CLVS1: variants seen among roughly 807,000 people sequenced by gnomAD.
The protein encoded by CLVS1 is clavesin-1.
CLVS1 carries 10 observed loss-of-function variants against 33.1 expected under a neutral mutation model. That is an observed-to-expected ratio of 0.30 (90% CI 0.19 to 0.51). CLVS1 has a LOEUF of 0.51. CLVS1 is among the 20% of genes least tolerant of loss of function. The probability of loss-of-function intolerance (pLI) is 0.97; values close to 1 mark genes in which losing one functional copy is unlikely to be tolerated. For missense variants in CLVS1, 343 were observed against 433.4 expected (o/e 0.79, Z 1.85); for synonymous variants, 163 against 166.1 (o/e 0.98, Z 0.14).
At chr8:61,306,707 T>C (rs189072336) in intron 2 of CLVS1, among the ~76,000 whole-genome samples, 74 of 152,318 alleles carry the variant, frequency 4.9e-4, no homozygotes, top group African/African-American at 1.7e-3. Flanking sequence ...TAGTTTGTGT[T>C]TGTTGAGGAA....
intron 2 of CLVS1, among the ~76,000 whole-genome samples, chr8:61,219,748 A>G (rs1422206570): frequency 2.0e-5 from 3 of 152,212 alleles, no homozygotes; most frequent in Non-Finnish European, 2.9e-5. Context: ...TGGTTGAACT[A>G]ATTTACATTA....
At chr8:60,976,655 G>A in the CLVS1 span, among the ~76,000 whole-genome samples, 3 of 152,254 alleles carry the variant, frequency 2.0e-5, no homozygotes, top group Non-Finnish European at 4.4e-5. Flanking sequence ...TTGGAACTCT[G>A]AAGTCTAATA....
At chr8:61,446,162 G>A (rs1404288621) in intron 3 of CLVS1, among the ~76,000 whole-genome samples, 1 of 151,714 alleles carries the variant, frequency 6.6e-6, no homozygotes, top group Non-Finnish European at 1.5e-5. Context: ...ATCAGTTTCT[G>A]CTCTTACCTT....
At chr8:61,386,995 C>G (rs1814109711) in intron 3 of CLVS1, among the ~76,000 whole-genome samples, 1 of 152,148 alleles carries the variant, frequency 6.6e-6, no homozygotes, top group African/African-American at 2.4e-5. Flanking sequence ...AGACCTTGGA[C>G]TTTTTGTTGT....
chr8:61,383,023 C>G (rs1412502110), intron 3 of CLVS1, among the ~76,000 whole-genome samples: 7 of 152,150 alleles, frequency 4.6e-5, no homozygotes, highest in Non-Finnish European at 7.4e-5. Flanking sequence ...AGAGGGCAGC[C>G]CTTGTCTGTG....
intron 2 of CLVS1, among the ~76,000 whole-genome samples, chr8:61,160,901 G>C (rs1806738472): frequency 6.6e-6 from 1 of 152,150 alleles, no homozygotes; most frequent in African/African-American, 2.4e-5. Context: ...TCTCGTAGAA[G>C]AGGAGAAAAT....
intron 2 of CLVS1, among the ~76,000 whole-genome samples, chr8:61,184,429 C>T (rs1184755780): frequency 6.6e-6 from 1 of 152,216 alleles, no homozygotes; most frequent in Non-Finnish European, 1.5e-5. Flanking sequence ...CACAGCACTG[C>T]TTCTACCAGG....
intron 5 of CLVS1, among the ~76,000 whole-genome samples, chr8:61,464,349 C>T (rs1205969425): frequency 2.0e-5 from 3 of 152,198 alleles, no homozygotes; most frequent in Non-Finnish European, 2.9e-5. Context: ...ATCCGTGGTA[C>T]ACTTGTCTAA....
chr8:61,253,122 A>G (rs1808988480), intron 2 of CLVS1, among the ~76,000 whole-genome samples: 1 of 152,152 alleles, frequency 6.6e-6, no homozygotes, highest in African/African-American at 2.4e-5. Context: ...CCTGGTGGTG[A>G]CAAAATCTCT....
chr8:61,226,195 C>T (rs534886318), intron 2 of CLVS1, among the ~76,000 whole-genome samples: 5 of 152,242 alleles, frequency 3.3e-5, no homozygotes, highest in African/African-American at 1.2e-4. Context: ...GAGATGCATA[C>T]TGAAGTAAAA....
the CLVS1 span, among the ~76,000 whole-genome samples, chr8:61,040,454 A>C: frequency 6.6e-6 from 1 of 152,246 alleles, no homozygotes; most frequent in Non-Finnish European, 1.5e-5. Flanking sequence ...CTGCACAAAC[A>C]GTGTTATAAG....
At chr8:61,491,024 T>C (rs1026415244) in intron 5 of CLVS1, among the ~76,000 whole-genome samples, 3 of 151,610 alleles carry the variant, frequency 2.0e-5, no homozygotes, top group Non-Finnish European at 4.4e-5. Context: ...CCTAAATGTA[T>C]TGGGCACATC....
intron 5 of CLVS1, among the ~76,000 whole-genome samples, chr8:61,461,718 C>T (rs1473233852): frequency 1.3e-5 from 2 of 152,084 alleles, no homozygotes; most frequent in African/African-American, 4.8e-5. Flanking sequence ...CCTTCATTTT[C>T]TTAGGAAGGT....
chr8:61,202,209 A>G, intron 2 of CLVS1: 1 of 443,790 alleles, frequency 2.3e-6, no homozygotes, highest in South Asian at 2.2e-5. Context: ...AAGAACATAA[A>G]GTACATTGAT....
At chr8:61,486,861 TATGCTG>T (rs1202825578) in intron 5 of CLVS1, among the ~76,000 whole-genome samples, 1 of 152,168 alleles carries the variant, frequency 6.6e-6, no homozygotes, top group East Asian at 1.9e-4. Context: ...ACCAACTGTG[TATGCTG>T]AGGCTTATCT....
intron 2 of CLVS1, among the ~76,000 whole-genome samples, chr8:61,200,911 G>C (rs1232556725): frequency 6.6e-6 from 1 of 152,112 alleles, no homozygotes; most frequent in African/African-American, 2.4e-5. Context: ...AGGTTGAATT[G>C]TAATTTAACA....
At chr8:61,292,665 A>T (rs543641303) in intron 1 of CLVS1, among the ~76,000 whole-genome samples, 294 of 152,288 alleles carry the variant, frequency 1.9e-3, no homozygotes, top group African/African-American at 6.2e-3. Context: ...TCTTATGGGG[A>T]TAGTTGAATA....
At chr8:61,162,777 C>T (rs1806777344) in intron 2 of CLVS1, among the ~76,000 whole-genome samples, 1 of 152,134 alleles carries the variant, frequency 6.6e-6, no homozygotes, top group Non-Finnish European at 1.5e-5. Flanking sequence ...GGGCCTAAGG[C>T]CCTTATAAAC....
intron 2 of CLVS1, among the ~76,000 whole-genome samples, chr8:61,336,983 G>C (rs1236798481): frequency 1.3e-5 from 2 of 152,194 alleles, no homozygotes; most frequent in African/African-American, 2.4e-5. Context: ...ATTCAGTACT[G>C]GTTTTTGTGG....
Sources: gnomAD v4.1 joint callset for allele counts (sites outside exome capture counted in the v4.1 genomes callset) on GRCh38, gnomAD v4.1.1 for gene constraint, MANE v1.5 for transcripts, NCBI Gene and HGNC (gene_info 2026-07-23, HGNC 2026-07-21) for gene names.